The following RPS13 variants were observed in gnomAD, a reference collection of about 807,000 sequenced individuals.
The protein encoded by RPS13 is small ribosomal subunit protein uS15.
In RPS13, 1 loss-of-function variant was observed where a neutral mutation model predicts 24.6. The ratio of observed to expected loss-of-function variants is 0.04; its 90% CI spans 0.01 to 0.19. The LOEUF (loss-of-function observed/expected upper bound fraction) is 0.19, where lower values mean the gene tolerates loss of function less well. Ranked by LOEUF, RPS13 falls within the 10% of genes least tolerant of loss-of-function variation. The probability of loss-of-function intolerance (pLI) is 1.00; values close to 1 mark genes in which losing one functional copy is unlikely to be tolerated. For synonymous variants in RPS13, 69 were observed against 65.3 expected (o/e 1.06, Z -0.27); for missense variants, 88 against 187.4 (o/e 0.47, Z 3.10).
Position 17,075,269 on chromosome 11 carries a change from GA to G in RPS13, c.322-73del, listed in dbSNP as rs1395281487. 1.6e-5 allele frequency: 18 copies of G among 1,150,116 alleles called. No homozygotes were observed. In the African/African-American group the frequency reaches 2.2e-4, roughly 14 times the overall value. The allele number at this position is 1,150,116 out of a possible 1,614,324, so 71.2% of individuals were successfully genotyped here. ...CTAACATTATCAAACATTAATAAGA[GA>G]ATGTAGAGCTACCATGCACTTTCTA... On this transcript the variant is annotated intron_variant, in intron 4 of 5. Coordinates refer to ENST00000525634, the MANE Select transcript of RPS13 (RefSeq NM_001017.3).
At chr11:17,074,854 G>T in intron 5 of RPS13, 1 of 625,824 alleles carries the variant, frequency 1.6e-6, no homozygotes, top group Non-Finnish European at 2.9e-6. Flanking sequence ...TAAATCTGGG[G>T]TCTGCAACTA....
intron 1 of RPS13, 38 bp downstream of exon 1, chr11:17,077,581 C>T (rs756489649): frequency 7.2e-6 from 4 of 556,872 alleles, no homozygotes; most frequent in Admixed American, 4.2e-5. Context: ...TTCCTCCCAC[C>T]CCCCGCCCAG....
chr11:17,074,597 C>G, intron 5 of RPS13, 131 bp from the exon 6 acceptor site: 1 of 771,664 alleles, frequency 1.3e-6, no homozygotes, highest in South Asian at 1.5e-5. Context: ...TAAAGTGCAC[C>G]AAACTTCTGA....
At chr11:17,076,758 T>A (rs1217077628) in intron 3 of RPS13, 6 of 311,214 alleles carry the variant, frequency 1.9e-5, no homozygotes, top group Non-Finnish European at 3.8e-5. Context: ...CCCAGAACCA[T>A]GTTCAGCACA....
rs536347333 is a variant in RPS13 at position 17,077,181 on chromosome 11, A to T, written c.138T>A (p.Thr46=). The T allele has an allele frequency of 6.2e-7, 1 of 1,612,878 alleles. No individual in the cohort carries two copies. Among genetic ancestry groups the T allele is most frequent in the African/African-American group, 1.3e-5 (1 of 74,950 alleles). Residue 46 remains threonine (T), a synonymous_variant, in exon 3 of 6, where the codon ACT becomes ACA. Coordinates refer to ENST00000525634, the MANE Select transcript of RPS13 (RefSeq NM_001017.3). The stretch of plus-strand genomic sequence containing the variant: ...ACAAACACTCACCGATCTGTGAAGG[A>T]GTAAGGCCCTTCTTGGCCAGTTTGT... ...QIYKLAKKGL[T]PSQIGVILRD...
intron 3 of RPS13, among the ~76,000 whole-genome samples, chr11:17,076,199 C>T (rs1414144840): frequency 6.6e-6 from 1 of 152,044 alleles, no homozygotes; most frequent in Non-Finnish European, 1.5e-5. Flanking sequence ...CCAGCCTGGC[C>T]AACATGGTGA....
chr11:17,074,931 T>C (rs993127372), intron 5 of RPS13, among the ~76,000 whole-genome samples, 166 bp downstream of exon 5: 8 of 152,224 alleles, frequency 5.3e-5, no homozygotes, highest in Non-Finnish European at 1.0e-4. Context: ...TGCCTGTGGC[T>C]GCTTTCCCAC....
rs768220485 is a variant in RPS13 at position 17,074,471 on chromosome 11, AAAAG to A, written c.423-9_423-6del. 106 of 1,610,470 alleles carry A rather than the reference AAAAG, an allele frequency of 6.6e-5. No homozygotes were observed. In the South Asian group the frequency reaches 1.1e-3, roughly 16 times the overall value. On this transcript the variant is annotated splice_region_variant and splice_polypyrimidine_tract_variant and intron_variant, in intron 5 of 5. Transcript: ENST00000525634. ...GCAGAGGCTGTAGATGATTCACTGA[AAAAG>A]AAAAAAGGGGAAAGAAAGAAAATCA...
At chr11:17,075,019 G>T in intron 5 of RPS13, 78 bp downstream of exon 5, 1 of 976,662 alleles carries the variant, frequency 1.0e-6, no homozygotes, top group Non-Finnish European at 1.6e-6. Context: ...CCCCAAGGCT[G>T]AACATATTTA....
chr11:17,077,137 G>A (rs756697516), intron 3 of RPS13, 31 bp downstream of exon 3: 80 of 1,537,772 alleles, frequency 5.2e-5, no homozygotes, highest in East Asian at 6.8e-5. Flanking sequence ...GAGGACAGGC[G>A]AAATAGGCTA....
intron 4 of RPS13, 103 bp from the exon 5 acceptor site, chr11:17,075,300 G>C (rs907656266): frequency 9.9e-7 from 1 of 1,009,660 alleles, no homozygotes; most frequent in African/African-American, 1.6e-5. Context: ...TTTCTATAAT[G>C]AAAATCTCTT....
At chr11:17,075,014 A>G (rs1565225938) in intron 5 of RPS13, 83 bp downstream of exon 5, 1 of 926,930 alleles carries the variant, frequency 1.1e-6, no homozygotes, top group Non-Finnish European at 1.7e-6. Flanking sequence ...CTAGCCCCCA[A>G]GGCTGAACAT....
rs752109506 is a variant in RPS13 at position 17,075,080 on chromosome 11, A to G, written c.422+17T>C. On this transcript the variant is annotated intron_variant, in intron 5 of 5. Coordinates refer to ENST00000525634, the MANE Select transcript of RPS13 (RefSeq NM_001017.3). ...ACTCCTATTCTTGATAACAACGACA[A>G]AAGAGTTGATACTTACTATTTCCAA... 5.6e-5 allele frequency: 86 copies of G among 1,540,532 alleles called. No homozygotes were observed. In the East Asian group the frequency reaches 1.8e-3, roughly 33 times the overall value.
intron 5 of RPS13, 77 bp from the exon 6 acceptor site, chr11:17,074,543 C>T: frequency 9.2e-7 from 1 of 1,090,152 alleles, no homozygotes; most frequent in Non-Finnish European, 1.4e-6. Context: ...AGAATCTCCC[C>T]ACTAATGGTG....
intron 2 of RPS13, 49 bp from the exon 3 acceptor site, chr11:17,077,295 C>T (rs1320947027): frequency 6.3e-7 from 1 of 1,582,656 alleles, no homozygotes; most frequent in African/African-American, 1.3e-5. Flanking sequence ...AGGAATGGCG[C>T]CGCAGAACAG....
At chr11:17,076,629 C>T in intron 3 of RPS13, 1 of 375,752 alleles carries the variant, frequency 2.7e-6, no homozygotes, top group Admixed American at 3.6e-5. Context: ...CTCACTGCAG[C>T]CTGGGACTTC....
Position 17,077,651 on chromosome 11 carries a change from G to A in RPS13, c.-10C>T, listed in dbSNP as rs774286860. The A allele has an allele frequency of 8.7e-6, 14 of 1,612,536 alleles. No homozygotes were observed. The African/African-American group carries it at 9.4e-5, about 11-fold the overall frequency. On this transcript the variant is annotated 5_prime_UTR_variant, in exon 1 of 6. Transcript: ENST00000525634. Reference sequence around the variant, plus strand: ...CATGCATGCGACCCATGATGGCGGCGATCAGGCAACGAAAGGAGAGCGAGA... The same window carrying A: ...CATGCATGCGACCCATGATGGCGGCAATCAGGCAACGAAAGGAGAGCGAGA...
At chr11:17,074,530 A>G (rs1385986472) in intron 5 of RPS13, 64 bp from the exon 6 acceptor site, 1 of 1,208,302 alleles carries the variant, frequency 8.3e-7, no homozygotes, top group Non-Finnish European at 1.2e-6. Flanking sequence ...CACATTCATT[A>G]ACAGAATCTC....
intron 3 of RPS13, 23 bp downstream of exon 3, chr11:17,077,145 C>T (rs745585175): frequency 1.2e-5 from 19 of 1,568,322 alleles, no homozygotes; most frequent in Admixed American, 8.4e-5. Flanking sequence ...GCGAAATAGG[C>T]TATGTTAGAC....
Sources: allele counts gnomAD v4.1 joint callset (sites outside exome capture counted in the v4.1 genomes callset), GRCh38; gene constraint gnomAD v4.1.1; transcripts MANE v1.5; gene names NCBI Gene and HGNC (gene_info 2026-07-23, HGNC 2026-07-21).